Variants in PLEKHG4B observed in about 807,000 individuals in gnomAD.
PLEKHG4B encodes the protein pleckstrin homology and RhoGEF domain containing G4B.
In PLEKHG4B, 111 loss-of-function variants were observed where a neutral mutation model predicts 121.3. The observed-to-expected ratio is 0.92, with a 90% CI of 0.78 to 1.07. PLEKHG4B has a LOEUF of 1.07. PLEKHG4B is among the 50% of genes least tolerant of loss of function. The probability of loss-of-function intolerance (pLI) is 0.00; values close to 1 mark genes in which losing one functional copy is unlikely to be tolerated. For synonymous variants in PLEKHG4B, 738 were observed against 725.0 expected (o/e 1.02, Z -0.29); for missense variants, 1,831 against 1,757.8 (o/e 1.04, Z -0.74).
In PLEKHG4B at chr5:186,684, G is replaced by C. The variant is rs1014000884; in HGVS notation, c.*4361G>C. Reference sequence around the variant, plus strand: ...AGAGTCACTTCCTGATGCCTCCCCAGCCCTGCCCAGGAAGGGTTTGTGGCC... The same window carrying C: ...AGAGTCACTTCCTGATGCCTCCCCACCCCTGCCCAGGAAGGGTTTGTGGCC... On this transcript the variant is annotated 3_prime_UTR_variant, in exon 20 of 20. Coordinates refer to ENST00000637938, the MANE Select transcript of PLEKHG4B (RefSeq NM_052909.5). 2 of 152,732 alleles carry C rather than the reference G, an allele frequency of 1.3e-5. No homozygotes were observed. Among genetic ancestry groups the C allele is most frequent in the African/African-American group, 4.8e-5 (2 of 41,472 alleles). The allele number at this position is 152,732 out of a possible 1,614,324, so 9.5% of individuals were successfully genotyped here.
At chr5:164,370 T>G (rs964874772) in intron 13 of PLEKHG4B, among the ~76,000 whole-genome samples, 7 of 152,226 alleles carry the variant, frequency 4.6e-5, no homozygotes, top group Admixed American at 2.0e-4. Flanking sequence ...ATGCTGCCAC[T>G]GATCTGACAG....
chr5:174,158 C>A, intron 18 of PLEKHG4B, 60 bp downstream of exon 18: 1 of 237,152 alleles, frequency 4.2e-6, no homozygotes, highest in Non-Finnish European at 6.5e-6. Context: ...GGGCAGGGGT[C>A]GGGGCTGGGA....
At chr5:165,061 A>G (rs1435808816) in intron 13 of PLEKHG4B, among the ~76,000 whole-genome samples, 172 of 71,654 alleles carry the variant, frequency 2.4e-3, no homozygotes, top group Middle Eastern at 0.025. Flanking sequence ...GACGGGGCGG[A>G]GCTCACACTA....
At position 160,406 on chromosome 5, in the gene PLEKHG4B, A is replaced by G. The variant is rs1275198634; in HGVS notation, c.2488-1377A>G. 2.0e-5 allele frequency among the ~76,000 whole-genome samples: 3 copies of G among 152,370 alleles called. No homozygotes were observed. In the East Asian group the frequency reaches 5.8e-4, roughly 29 times the overall value. On this transcript the variant is annotated intron_variant, in intron 11 of 19. Coordinates refer to ENST00000637938, the MANE Select transcript of PLEKHG4B (RefSeq NM_052909.5). ...CATTTGTTTTTGGAGGTTTCCACGC[A>G]TAAGCCGTGGCACTCCAGCCGCACC...
In PLEKHG4B at chr5:157,095, C is replaced by T. The variant is rs887382851; in HGVS notation, c.2487+184C>T. 4.3e-6 allele frequency: 4 copies of T among 921,352 alleles called. No individual in the cohort carries two copies. The East Asian group carries it at 8.1e-5, about 19-fold the overall frequency. 57.1% of individuals were successfully genotyped at this position (921,352 alleles called of 1,614,324 possible). ...AAAAAGAAATAAATTTTATTTTTTA[C>T]GTGAGAGATACTGGATCAGTGGAGA... On this transcript the variant is annotated intron_variant, in intron 11 of 19. Transcript: ENST00000637938. This position sits in a 1 kb window ranked among gnomAD's most constrained non-coding sequence, Gnocchi z 4.6.
chr5:112,972 T>A (rs1734200772), intron 1 of PLEKHG4B, among the ~76,000 whole-genome samples: 1 of 152,114 alleles, frequency 6.6e-6, no homozygotes, highest in African/African-American at 2.4e-5. Flanking sequence ...CAGCCCACAT[T>A]TATAGAGGTG....
At chr5:124,040 T>C (rs561266018) in intron 2 of PLEKHG4B, among the ~76,000 whole-genome samples, 4 of 152,352 alleles carry the variant, frequency 2.6e-5, no homozygotes, top group South Asian at 4.1e-4. Context: ...CCGTAAGTTG[T>C]AATATGTTGT....
chr5:164,911 C>CA (rs1396017872), intron 13 of PLEKHG4B, among the ~76,000 whole-genome samples: 1 of 46,244 alleles, frequency 2.2e-5, no homozygotes, highest in South Asian at 8.2e-4. Flanking sequence ...AATGCTGTGA[C>CA]GGGGCGGAGC....
At chr5:168,861 T>A (rs1198077541) in intron 13 of PLEKHG4B, among the ~76,000 whole-genome samples, 1 of 138,922 alleles carries the variant, frequency 7.2e-6, no homozygotes, top group Non-Finnish European at 1.5e-5. Context: ...ACTGGAAGAT[T>A]ATTCTTTTTT....
intron 3 of PLEKHG4B, among the ~76,000 whole-genome samples, chr5:141,477 C>T (rs1579280657): frequency 1.3e-5 from 2 of 150,480 alleles, no homozygotes; most frequent in Middle Eastern, 3.4e-3. Context: ...TGGCCTCCTC[C>T]CCAGTGCTTC....
At chr5:154,482 A>G (rs892477502) in intron 7 of PLEKHG4B, among the ~76,000 whole-genome samples, 1 of 152,116 alleles carries the variant, frequency 6.6e-6, no homozygotes. Flanking sequence ...AATGAGCCTG[A>G]CTTGGCTCGG....
In PLEKHG4B at chr5:106,555, A is replaced by C. The variant is rs149293101; in HGVS notation, c.46-6696A>C. Among the ~76,000 whole-genome samples the C allele has an allele frequency of 2.1e-3, 322 of 152,368 alleles. 2 individuals carry two copies. The highest frequency in any genetic ancestry group is 7.2e-3 in the African/African-American group (300 of 41,584). ...CGATTTAACGAACATGTAGAACTGC[A>C]CTTTGTAATTGTCCACAGCGTGCTC... On this transcript the variant is annotated intron_variant, in intron 1 of 19. Coordinates refer to ENST00000637938, the MANE Select transcript of PLEKHG4B (RefSeq NM_052909.5).
Position 156,139 on chromosome 5 carries a change from G to C in PLEKHG4B, c.2277G>C (p.Val759=), listed in dbSNP as rs1428242760. The change falls in exon 10 of 20, where the codon GTG becomes GTC. Residue 759 remains valine, a synonymous_variant. Coordinates refer to ENST00000637938, the MANE Select transcript of PLEKHG4B (RefSeq NM_052909.5). The surrounding 1 kb of genome is among the most constrained non-coding windows in gnomAD (Gnocchi z 4.4). The stretch of plus-strand genomic sequence containing the variant: ...TTGTCCTGGAAGACCCACTGCTTGT[G>C]TCTCTCAGGCTGGAGGGGGGCACCG... The part of the protein sequence containing the change: ...MKLVLEDPLL[V]SLRLEGGTVL... 2 of 1,597,244 alleles carry C rather than the reference G, an allele frequency of 1.3e-6. No individual in the cohort carries two copies. Among genetic ancestry groups the C allele is most frequent in the Admixed American group, 1.7e-5 (1 of 58,424 alleles).
intron 18 of PLEKHG4B, among the ~76,000 whole-genome samples, chr5:175,103 C>T (rs574538294): frequency 6.6e-6 from 1 of 152,254 alleles, no homozygotes; most frequent in African/African-American, 2.4e-5. Context: ...TGCGGCAACC[C>T]GAGAGAGTCC....
rs13185214 is a variant in PLEKHG4B at position 186,515 on chromosome 5, C to G, written c.*4192C>G. On this transcript the variant is annotated 3_prime_UTR_variant, in exon 20 of 20. Transcript: ENST00000637938. Reference sequence around the variant, plus strand: ...CACGTGAGGCCACTTCCGCCCAGCACTGGGGGCGCTGGGAGCTGAGGGGCC... The same window carrying G: ...CACGTGAGGCCACTTCCGCCCAGCAGTGGGGGCGCTGGGAGCTGAGGGGCC... 0.47 allele frequency: 71,063 copies of G among 152,222 alleles called. 17,777 individuals are homozygous for G. The highest frequency in any genetic ancestry group is 0.57 in the Non-Finnish European group (38,530 of 68,006). The allele number at this position is 152,222 out of a possible 1,614,324, so 9.4% of individuals were successfully genotyped here.
rs1389299993 is a variant in PLEKHG4B at position 169,375 on chromosome 5, C to T, written c.3512C>T (p.Ala1171Val). 1 of 1,614,022 alleles carries T rather than the reference C, an allele frequency of 6.2e-7. No individual in the cohort carries two copies. Among genetic ancestry groups the T allele is most frequent in the African/African-American group, 1.3e-5 (1 of 74,938 alleles). The stretch of plus-strand genomic sequence containing the variant: ...AGGCACATCATGGCCGAGATGATCG[C>T]CACAGAGAGGGAGTACATTCGGTGC... ...RLRHIMAEMI[A>V]TEREYIRCLG... is the part of the protein sequence containing the mutation. Residue 1171 changes from alanine (A) to valine (V), a missense_variant, in exon 14 of 20, where the codon GCC (alanine) becomes GTC (valine). Ala to Val is a moderately conservative substitution (Grantham distance 64). Transcript: ENST00000637938.
rs564303482 is a variant in PLEKHG4B at position 169,620 on chromosome 5, G to A, written c.3729+28G>A. 244 of 1,606,652 alleles carry A rather than the reference G, an allele frequency of 1.5e-4. 5 individuals are homozygous for A. In the South Asian group the frequency reaches 2.4e-3, roughly 16 times the overall value. On this transcript the variant is annotated intron_variant, in intron 14 of 19. Transcript: ENST00000637938. ...AAGTGCAGGCCATGGCGTGGGTGCCGGGCAACGTGGTGGGTGAAGCCGGTG... is the reference window on the plus strand; with the variant it reads ...AAGTGCAGGCCATGGCGTGGGTGCCAGGCAACGTGGTGGGTGAAGCCGGTG...
In PLEKHG4B at chr5:156,871, A is replaced by G. The variant is rs766985575; in HGVS notation, c.2447A>G (p.His816Arg). 3 of 1,610,430 alleles carry G rather than the reference A, an allele frequency of 1.9e-6. No homozygotes were observed. The highest frequency in any genetic ancestry group is 2.2e-5 in the South Asian group (2 of 90,164). The change falls in exon 11 of 20, where the codon CAC (histidine) becomes CGC (arginine). Residue 816 changes from histidine to arginine, a missense_variant. His to Arg is a conservative substitution (Grantham distance 29). Transcript: ENST00000637938. This position sits in a 1 kb window ranked among gnomAD's most constrained non-coding sequence, Gnocchi z 4.4. ...TSNNRLQQLE[H>R]LRELASLLEG... Reference sequence around the variant, plus strand: ...AACAATCGTCTCCAGCAGCTGGAGCACCTCCGGGAGCTGGCGTCACTCCTG... The same window carrying G: ...AACAATCGTCTCCAGCAGCTGGAGCGCCTCCGGGAGCTGGCGTCACTCCTG...
chr5:164,310 A>G (rs1462422183), intron 13 of PLEKHG4B, among the ~76,000 whole-genome samples: 1 of 152,246 alleles, frequency 6.6e-6, no homozygotes, highest in African/African-American at 2.4e-5. Flanking sequence ...GGAGCACGAA[A>G]CCTAGATCCC....
Sources: allele counts gnomAD v4.1 joint callset (sites outside exome capture counted in the v4.1 genomes callset), GRCh38; gene constraint gnomAD v4.1.1; non-coding constraint Gnocchi (gnomAD v3.1); transcripts MANE v1.5; gene names NCBI Gene and HGNC (gene_info 2026-07-23, HGNC 2026-07-21).